STK39: variants seen among roughly 807,000 people sequenced by gnomAD.
The protein encoded by STK39 is serine/threonine kinase 39, also known as STE20/SPS1-related proline-alanine-rich protein kinase.
A neutral mutation model predicts 77.8 loss-of-function variants in STK39; 20 were observed. The ratio of observed to expected loss-of-function variants is 0.26; its 90% CI spans 0.18 to 0.37. The LOEUF is 0.37. STK39 is among the 10% of genes least tolerant of loss of function. STK39 has a pLI of 1.00. For missense variants in STK39, 479 were observed against 656.5 expected, an observed-to-expected ratio of 0.73 and a Z score of 2.95; for synonymous variants, 246 against 234.1, an observed-to-expected ratio of 1.05 and a Z score of -0.47.
chr2:168,132,242 G>A (rs1687715979), intron 8 of STK39, among the ~76,000 whole-genome samples: 1 of 152,018 alleles, frequency 6.6e-6, no homozygotes, highest in African/African-American at 2.4e-5. Context: ...AAATCAGAAT[G>A]ATGAAAAAAC....
chr2:168,018,292 G>C (rs1054385906), intron 14 of STK39, among the ~76,000 whole-genome samples: 1 of 152,030 alleles, frequency 6.6e-6, no homozygotes, highest in Non-Finnish European at 1.5e-5. Flanking sequence ...TTGAGGTTAG[G>C]AGTTCGAGAC....
chr2:168,104,804 T>C (rs754687187), intron 10 of STK39, among the ~76,000 whole-genome samples: 8 of 152,142 alleles, frequency 5.3e-5, no homozygotes, highest in Non-Finnish European at 1.0e-4. Flanking sequence ...CATTTCCAGT[T>C]TGAAAAAGCT....
chr2:168,236,143 C>G (rs1021179652), intron 1 of STK39, among the ~76,000 whole-genome samples: 1 of 151,982 alleles, frequency 6.6e-6, no homozygotes, highest in Non-Finnish European at 1.5e-5. Context: ...TAATGATCAC[C>G]ATTCTAACTG....
chr2:168,124,254 C>T (rs1687483154), intron 10 of STK39, among the ~76,000 whole-genome samples: 1 of 152,182 alleles, frequency 6.6e-6, no homozygotes, highest in Admixed American at 6.5e-5. Context: ...ACACAGGCAA[C>T]CATAAGAAGG....
intron 14 of STK39, among the ~76,000 whole-genome samples, chr2:168,060,840 T>C (rs1420696845): frequency 6.6e-6 from 1 of 152,236 alleles, no homozygotes; most frequent in African/African-American, 2.4e-5. Context: ...AGTTCATTAC[T>C]GAAAGTCACT....
In STK39 at chr2:167,996,213, G is replaced by A. The variant is rs1683834717; in HGVS notation, c.1498+16421C>T. ...TTTACTATCCACTCTCGTGATGTAG[G>A]GCCAAGAACATTTAAAAAATCCTAG... On this transcript the variant is annotated intron_variant, in intron 16 of 17. Transcript: ENST00000355999. Among the ~76,000 whole-genome samples the A allele has an allele frequency of 3.3e-5, 5 of 152,032 alleles. No homozygotes were observed. The South Asian group carries it at 1.0e-3, about 32-fold the overall frequency.
chr2:168,067,126 G>T (rs1362292446), intron 12 of STK39, among the ~76,000 whole-genome samples: 1 of 152,190 alleles, frequency 6.6e-6, no homozygotes, highest in Non-Finnish European at 1.5e-5. Flanking sequence ...AGAGGCTGAG[G>T]CGCAAGAATC....
chr2:168,158,503 C>T (rs962492447), intron 5 of STK39, among the ~76,000 whole-genome samples: 6 of 152,098 alleles, frequency 3.9e-5, no homozygotes, highest in South Asian at 2.1e-4. Flanking sequence ...AAAGGGGAAT[C>T]GATTTATGCA....
intron 10 of STK39, among the ~76,000 whole-genome samples, chr2:168,091,185 T>C (rs533399270): frequency 1.5e-3 from 175 of 119,874 alleles, no homozygotes; most frequent in South Asian, 9.5e-3. Flanking sequence ...CACACACACA[T>C]GATACAGCAC....
chr2:168,247,550 G>GCCGCCGCCA lies in STK39; in HGVS notation c.-116_-115insTGGCGGCGG. The GCCGCCGCCA allele has an allele frequency of 1.4e-6, 1 of 697,490 alleles. No individual in the cohort carries two copies. The highest frequency in any genetic ancestry group is 4.2e-5 in the South Asian group (1 of 23,696). The allele number at this position is 697,490 out of a possible 1,614,324, so 43.2% of individuals were successfully genotyped here. On this transcript the variant is annotated 5_prime_UTR_variant, in exon 1 of 18. Transcript: ENST00000355999. ...CCGGCGCACGCCCTCCCCGCCCGCC[G>GCCGCCGCCA]CCGCCGCCGCCGTCCCCGCCGAAGC...
At chr2:168,203,028 C>T (rs988107215) in intron 1 of STK39, among the ~76,000 whole-genome samples, 2 of 152,176 alleles carry the variant, frequency 1.3e-5, no homozygotes, top group Non-Finnish European at 2.9e-5. Context: ...CTTGGCAATA[C>T]GGACATTTTG....
chr2:168,164,883 C>T (rs1688660068), intron 3 of STK39, among the ~76,000 whole-genome samples: 1 of 152,060 alleles, frequency 6.6e-6, no homozygotes, highest in Non-Finnish European at 1.5e-5. Context: ...CCAAAATTAC[C>T]TGGGGGTTTG....
chr2:168,108,374 CCT>C (rs1559100865), intron 10 of STK39, among the ~76,000 whole-genome samples: 1 of 152,006 alleles, frequency 6.6e-6, no homozygotes, highest in East Asian at 1.9e-4. Context: ...ATGGCGAAAC[CCT>C]GTTTCTACAA....
intron 16 of STK39, among the ~76,000 whole-genome samples, chr2:167,978,209 A>G (rs935707707): frequency 1.3e-5 from 2 of 152,210 alleles, no homozygotes; most frequent in Non-Finnish European, 2.9e-5. Context: ...CATGGCCCCT[A>G]AACCATAATT....
At chr2:168,046,571 C>T (rs1685247659) in intron 14 of STK39, among the ~76,000 whole-genome samples, 1 of 151,970 alleles carries the variant, frequency 6.6e-6, no homozygotes, top group Non-Finnish European at 1.5e-5. Context: ...CACTTGCTCA[C>T]CTCCCTAGGT....
At chr2:167,983,186 T>C (rs1223411929) in intron 16 of STK39, among the ~76,000 whole-genome samples, 4 of 152,022 alleles carry the variant, frequency 2.6e-5, no homozygotes, top group Admixed American at 2.0e-4. Flanking sequence ...AGCATAGAAA[T>C]TGTAGGAAAT....
At chr2:168,230,202 C>T (rs1245278600) in intron 1 of STK39, among the ~76,000 whole-genome samples, 1 of 152,204 alleles carries the variant, frequency 6.6e-6, no homozygotes, top group Non-Finnish European at 1.5e-5. Flanking sequence ...TTTTACCACT[C>T]CTCCCAAAAA....
At chr2:168,016,400 A>AAC (rs1684406585) in intron 15 of STK39, among the ~76,000 whole-genome samples, 1 of 150,614 alleles carries the variant, frequency 6.6e-6, no homozygotes, top group Non-Finnish European at 1.5e-5. Context: ...AAAAAAAAAA[A>AAC]AAAAAAAAAA....
At chr2:168,246,305 TCTC>T (rs949218784) in intron 1 of STK39, among the ~76,000 whole-genome samples, 51 of 152,014 alleles carry the variant, frequency 3.4e-4, no homozygotes, top group African/African-American at 1.2e-3. Flanking sequence ...ACAAAACAAA[TCTC>T]CTGGCCCTTC....
Sources: gnomAD v4.1 joint callset for allele counts (sites outside exome capture counted in the v4.1 genomes callset) on GRCh38, gnomAD v4.1.1 for gene constraint, MANE v1.5 for transcripts, NCBI Gene and HGNC (gene_info 2026-07-23, HGNC 2026-07-21) for gene names.